The following METTL25 variants were observed in gnomAD, a reference collection of about 807,000 sequenced individuals.
METTL25 encodes the protein probable methyltransferase-like protein 25.
A neutral mutation model predicts 71.6 loss-of-function variants in METTL25; 64 were observed. That is an observed-to-expected ratio of 0.89 (90% CI 0.73 to 1.10). METTL25 has a LOEUF of 1.10. Among genes scored for constraint, METTL25 ranks in the 50% least tolerant of loss-of-function variants. The probability of loss-of-function intolerance (pLI) is 0.00; values close to 1 mark genes in which losing one functional copy is unlikely to be tolerated. For missense variants in METTL25, 807 were observed against 707.0 expected, an observed-to-expected ratio of 1.14 and a Z score of -1.60; for synonymous variants, 287 against 250.3, an observed-to-expected ratio of 1.15 and a Z score of -1.38.
At chr12:82,441,806 A>AACACACACACACACAC (rs57098687) in intron 8 of METTL25, among the ~76,000 whole-genome samples, 2,517 of 133,948 alleles carry the variant, frequency 0.019, 73 homozygotes, top group African/African-American at 0.048. Context: ...AAAAAATAGA[A>AACACACACACACACAC]ACACACACAC....
chr12:82,358,795 G>T lies in METTL25; in HGVS notation c.230G>T (p.Arg77Leu). The change falls in exon 1 of 12, where the codon CGC (arginine) becomes CTC (leucine). Residue 77 changes from arginine to leucine, a missense_variant. Arg to Leu is a moderately radical substitution (Grantham distance 102). Coordinates refer to ENST00000248306, the MANE Select transcript of METTL25 (RefSeq NM_032230.3). ...ACGGAGGCCCTGCCCTCAGAGACGC[G>T]CCCCCTAGTGGAAGCAGAGTGGGAA... ...SETEALPSETRPLVEAEWEAG... is the reference protein window; with the variant it reads ...SETEALPSETLPLVEAEWEAG... The T allele has an allele frequency of 6.2e-7, 1 of 1,613,316 alleles. No homozygotes were observed. Among genetic ancestry groups the T allele is most frequent in the Non-Finnish European group, 8.5e-7 (1 of 1,179,668 alleles).
intron 2 of METTL25, among the ~76,000 whole-genome samples, chr12:82,387,362 G>A (rs894384278): frequency 6.6e-6 from 1 of 151,892 alleles, no homozygotes; most frequent in Admixed American, 6.6e-5. Flanking sequence ...AAGCATGAGT[G>A]TCAGAAAGTG....
Position 82,359,570 on chromosome 12 carries a change from A to C in METTL25, c.259+746A>C, listed in dbSNP as rs1188208074. On this transcript the variant is annotated intron_variant, in intron 1 of 11. Transcript: ENST00000248306. ...GGGCAAAAGCTGAAGCTGAGAGGCCAGTTAGGAGACTACCTCAGTAGTACA... is the reference window on the plus strand; with the variant it reads ...GGGCAAAAGCTGAAGCTGAGAGGCCCGTTAGGAGACTACCTCAGTAGTACA... Among the ~76,000 whole-genome samples, 3 of 152,266 alleles carry C rather than the reference A, an allele frequency of 2.0e-5. No individual in the cohort carries two copies. In the East Asian group the frequency reaches 5.8e-4, roughly 29 times the overall value.
intron 3 of METTL25, among the ~76,000 whole-genome samples, 189 bp from the exon 4 acceptor site, chr12:82,398,606 T>C (rs1302928428): frequency 1.3e-5 from 2 of 152,128 alleles, no homozygotes; most frequent in Admixed American, 6.6e-5. Context: ...CATTGACTTA[T>C]TAAACTAGCT....
intron 1 of METTL25, among the ~76,000 whole-genome samples, chr12:82,373,372 C>T (rs1883474457): frequency 6.6e-6 from 1 of 152,026 alleles, no homozygotes; most frequent in Non-Finnish European, 1.5e-5. Context: ...CAAGATAGTC[C>T]CTCCTACAAT....
chr12:82,430,812 T>C, intron 5 of METTL25, 81 bp from the exon 6 acceptor site: 1 of 735,822 alleles, frequency 1.4e-6, no homozygotes, highest in South Asian at 1.9e-5. Context: ...ATGACTGATT[T>C]GCTTTCTTGG....
intron 9 of METTL25, among the ~76,000 whole-genome samples, chr12:82,471,879 A>C (rs1268981791): frequency 1.3e-5 from 2 of 152,250 alleles, no homozygotes; most frequent in Admixed American, 1.3e-4. Context: ...TTTATTTTTG[A>C]AAAAGTTGAT....
At chr12:82,406,278 G>A (rs188483965) in intron 5 of METTL25, among the ~76,000 whole-genome samples, 1 of 151,940 alleles carries the variant, frequency 6.6e-6, no homozygotes, top group Non-Finnish European at 1.5e-5. Flanking sequence ...TTGTTTTTTT[G>A]TAAAAACTAT....
chr12:82,438,792 G>C lies in METTL25; in HGVS notation c.1478+1G>C. On this transcript the variant is annotated splice_donor_variant, in intron 8 of 11. Coordinates refer to ENST00000248306, the MANE Select transcript of METTL25 (RefSeq NM_032230.3). LOFTEE classifies it high-confidence loss of function. ...AAGATTGTTATGGCATCACCAAATG[G>C]TATGAGGATTTTATTTTAATAAGAA... 6.7e-7 allele frequency: 1 copy of C among 1,487,302 alleles called. No individual in the cohort carries two copies. The highest frequency in any genetic ancestry group is 9.2e-7 in the Non-Finnish European group (1 of 1,088,092). 92.1% of individuals were successfully genotyped at this position (1,487,302 alleles called of 1,614,324 possible).
intron 1 of METTL25, among the ~76,000 whole-genome samples, chr12:82,364,463 G>A (rs1208164035): frequency 6.6e-6 from 1 of 152,176 alleles, no homozygotes; most frequent in Non-Finnish European, 1.5e-5. Context: ...TATGAAGTTG[G>A]CATGGTCACA....
chr12:82,468,611 G>A (rs896548882), intron 9 of METTL25: 4 of 152,220 alleles, frequency 2.6e-5, no homozygotes, highest in Non-Finnish European at 1.5e-5. Flanking sequence ...GCTGAAGGAT[G>A]TGCCCTATAT....
intron 8 of METTL25, among the ~76,000 whole-genome samples, chr12:82,447,151 C>A (rs994854257): frequency 3.3e-5 from 5 of 151,276 alleles, no homozygotes; most frequent in African/African-American, 1.2e-4. Context: ...TGAAAAAAAA[C>A]CCACGGAAGA....
intron 9 of METTL25, chr12:82,459,950 T>A (rs1446024894): frequency 6.6e-6 from 1 of 152,238 alleles, no homozygotes; most frequent in Non-Finnish European, 1.5e-5. Flanking sequence ...TCAGCCTCCT[T>A]GCCAATGGCT....
In METTL25 at chr12:82,389,922, G is replaced by A. The variant is rs749832501; in HGVS notation, c.531G>A (p.Gln177=). Residue 177 remains glutamine (Q), a splice_region_variant and synonymous_variant, in exon 3 of 12, where the codon CAG becomes CAA. Transcript: ENST00000248306. The stretch of plus-strand genomic sequence containing the variant: ...TTGCTGACTACTATGGAATAAAGCA[G>A]GTAAGAGTATTTCCGTATGTTTTTA... ...SSIADYYGIK[Q]VIDLGSGKGY... is the part of the protein sequence containing the mutation. 2.0e-6 allele frequency: 3 copies of A among 1,494,028 alleles called. No individual in the cohort carries two copies. The highest frequency in any genetic ancestry group is 3.4e-5 in the Admixed American group (2 of 58,008). 92.5% of individuals were successfully genotyped at this position (1,494,028 alleles called of 1,614,324 possible).
intron 10 of METTL25, among the ~76,000 whole-genome samples, 177 bp from the exon 11 acceptor site, chr12:82,477,104 T>G (rs981725821): frequency 5.3e-5 from 8 of 151,816 alleles, no homozygotes; most frequent in Non-Finnish European, 1.2e-4. Context: ...TTTCCTATTA[T>G]TAAAGAAAAC....
chr12:82,370,418 T>C (rs1170037368), intron 1 of METTL25, among the ~76,000 whole-genome samples: 2 of 152,180 alleles, frequency 1.3e-5, no homozygotes. Context: ...TATAAGAGTT[T>C]GAAAGGTGTT....
rs201228841 is a variant in METTL25 at position 82,398,745 on chromosome 12, A to C, written c.532-50A>C. On this transcript the variant is annotated intron_variant, in intron 3 of 11. Transcript: ENST00000248306. ...CTTCAAAAAATCTAGAATGCTTTCT[A>C]TTACCATTTGCCTAAAATTCTTTAA... 2.1e-5 allele frequency: 27 copies of C among 1,283,274 alleles called. No homozygotes were observed. In the African/African-American group the frequency reaches 3.6e-4, roughly 17 times the overall value. The allele number at this position is 1,283,274 out of a possible 1,614,324, so 79.5% of individuals were successfully genotyped here.
chr12:82,424,606 T>C (rs1888845693), intron 5 of METTL25, among the ~76,000 whole-genome samples: 2 of 151,870 alleles, frequency 1.3e-5, no homozygotes, highest in South Asian at 2.1e-4. Context: ...CAGAAGACTA[T>C]AGGATTCCAG....
chr12:82,479,127 C>A lies in METTL25; in HGVS notation c.*103C>A, dbSNP rs1893054166. The A allele has an allele frequency of 1.3e-6, 1 of 767,852 alleles. No individual in the cohort carries two copies. Among genetic ancestry groups the A allele is most frequent in the Non-Finnish European group, 2.2e-6 (1 of 463,608 alleles). 47.6% of individuals were successfully genotyped at this position (767,852 alleles called of 1,614,324 possible). A position where few individuals can be genotyped will look rare whatever the true frequency, so the allele number is the denominator to read the frequency against. ...CTGTTATACAAAAATTTTTAAATGA[C>A]TGTTATGTATTTTAAATAATAAAAT... On this transcript the variant is annotated 3_prime_UTR_variant, in exon 12 of 12. Coordinates refer to ENST00000248306, the MANE Select transcript of METTL25 (RefSeq NM_032230.3).
Sources: gnomAD v4.1 joint callset for allele counts (sites outside exome capture counted in the v4.1 genomes callset) on GRCh38, gnomAD v4.1.1 for gene constraint, MANE v1.5 for transcripts, NCBI Gene and HGNC (gene_info 2026-07-23, HGNC 2026-07-21) for gene names.